The following MCTP2 variants were observed in gnomAD, a reference collection of about 807,000 sequenced individuals.
MCTP2 encodes the protein multiple C2 and transmembrane domain containing 2.
MCTP2 carries 132 observed loss-of-function variants against 111.6 expected under a neutral mutation model. The observed-to-expected ratio is 1.18, with a 90% CI of 1.03 to 1.37. The LOEUF is 1.37. Among genes scored for constraint, MCTP2 ranks in the 40% most tolerant of loss-of-function variants. The pLI, the probability that MCTP2 is intolerant of heterozygous loss-of-function variation, is 0.00. For missense variants in MCTP2, 1,183 were observed against 1,067.9 expected (o/e 1.11, Z -1.50); for synonymous variants, 395 against 387.7 (o/e 1.02, Z -0.22).
intron 20 of MCTP2, among the ~76,000 whole-genome samples, chr15:94,463,438 G>C (rs960482151): frequency 2.0e-5 from 3 of 151,936 alleles, no homozygotes; most frequent in African/African-American, 7.3e-5. Context: ...TAATTTTTCT[G>C]CTTTGATTTG....
chr15:94,443,046 T>A, intron 19 of MCTP2, 86 bp downstream of exon 19: 17 of 812,328 alleles, frequency 2.1e-5, no homozygotes, highest in Non-Finnish European at 2.6e-5. Flanking sequence ...CTCTCTCCTC[T>A]CTTTTTTTTT....
chr15:94,355,699 A>C (rs922229576), intron 8 of MCTP2, among the ~76,000 whole-genome samples: 53 of 152,370 alleles, frequency 3.5e-4, no homozygotes, highest in African/African-American at 1.3e-3. Context: ...AGACAGATTC[A>C]AATGTGAAGG....
intron 17 of MCTP2, 147 bp from the exon 18 acceptor site, chr15:94,440,029 T>TTGTG: frequency 1.2e-6 from 1 of 856,144 alleles, no homozygotes; most frequent in Non-Finnish European, 1.8e-6. Context: ...GAGTTGATCA[T>TTGTG]TGTGTGTGTG....
intron 1 of MCTP2, among the ~76,000 whole-genome samples, chr15:94,256,245 G>A (rs1324889930): frequency 6.6e-6 from 1 of 152,130 alleles, no homozygotes; most frequent in East Asian, 1.9e-4. Context: ...ATGTATATAA[G>A]GTGTGTATGA....
At chr15:94,452,085 G>A (rs2084497852) in intron 19 of MCTP2, among the ~76,000 whole-genome samples, 1 of 152,102 alleles carries the variant, frequency 6.6e-6, no homozygotes, top group African/African-American at 2.4e-5. Context: ...TAGATGTCAG[G>A]ACCAGAGTTG....
intron 2 of MCTP2, among the ~76,000 whole-genome samples, chr15:94,309,450 A>G (rs1395089705): frequency 2.6e-5 from 4 of 152,162 alleles, no homozygotes; most frequent in Non-Finnish European, 5.9e-5. Context: ...ATGTGGGTTT[A>G]TGTTTTCTTC....
intron 17 of MCTP2, chr15:94,402,726 T>C: frequency 1.4e-6 from 2 of 1,439,822 alleles, no homozygotes; most frequent in Non-Finnish European, 1.8e-6. Context: ...TTGATCAAAT[T>C]GGTAATGTCA....
chr15:94,438,935 C>A (rs1374131635), intron 17 of MCTP2, among the ~76,000 whole-genome samples: 2 of 151,756 alleles, frequency 1.3e-5, no homozygotes, highest in Non-Finnish European at 2.9e-5. Flanking sequence ...TGAAATCAAG[C>A]AGGAAAAAAA....
intron 1 of MCTP2, among the ~76,000 whole-genome samples, chr15:94,275,903 A>G (rs1404697713): frequency 2.0e-4 from 28 of 136,684 alleles, no homozygotes; most frequent in Non-Finnish European, 6.1e-5. Flanking sequence ...GCTGGAGTGT[A>G]GTGGCGCGGA....
intron 1 of MCTP2, among the ~76,000 whole-genome samples, chr15:94,240,125 G>A (rs998404633): frequency 6.6e-6 from 1 of 152,008 alleles, no homozygotes; most frequent in African/African-American, 2.4e-5. Context: ...TAGTTTACAG[G>A]ACACACAGAT....
chr15:94,276,242 A>C (rs1484819160), intron 1 of MCTP2, among the ~76,000 whole-genome samples: 1 of 152,164 alleles, frequency 6.6e-6, no homozygotes, highest in Non-Finnish European at 1.5e-5. Flanking sequence ...ATATTCATAA[A>C]CAGGACAGAG....
chr15:94,251,653 C>T (rs1380946483), intron 1 of MCTP2, among the ~76,000 whole-genome samples: 1 of 152,218 alleles, frequency 6.6e-6, no homozygotes, highest in Non-Finnish European at 1.5e-5. Context: ...GCCACCACAC[C>T]TGGCTGCAAT....
chr15:94,392,625 C>G (rs1328841629), intron 14 of MCTP2, among the ~76,000 whole-genome samples: 1 of 151,878 alleles, frequency 6.6e-6, no homozygotes, highest in African/African-American at 2.4e-5. Context: ...CCAGCCTGAC[C>G]AACATGGTGA....
At position 94,384,083 on chromosome 15, in the gene MCTP2, C is replaced by T; in HGVS notation, c.1644C>T (p.Val548=). The T allele has an allele frequency of 1.2e-6, 2 of 1,613,920 alleles. No individual in the cohort carries two copies. ...LGNDRLQTHT[V]YKNLNPEWNK... ...ATGACCGACTTCAGACGCATACCGT[C>T]TACAAAAACCTCAACCCTGAATGGA... is the stretch of plus-strand genomic sequence containing the variant. The change falls in exon 13 of 23, where the codon GTC becomes GTT. Residue 548 remains valine, a synonymous_variant. Coordinates refer to ENST00000357742, the MANE Select transcript of MCTP2 (RefSeq NM_001385001.1).
chr15:94,399,852 C>A, intron 15 of MCTP2, 69 bp from the exon 16 acceptor site: 1 of 1,381,532 alleles, frequency 7.2e-7, no homozygotes, highest in South Asian at 1.2e-5. Context: ...TTTTCCCAGT[C>A]ATTAAGAAAA....
intron 12 of MCTP2, among the ~76,000 whole-genome samples, chr15:94,377,456 C>T (rs555069165): frequency 6.6e-6 from 1 of 152,262 alleles, no homozygotes; most frequent in Admixed American, 6.5e-5. Context: ...GTAGCCATTG[C>T]AAAGTTTGGG....
chr15:94,438,429 C>A (rs2083596036), intron 17 of MCTP2, among the ~76,000 whole-genome samples: 1 of 152,036 alleles, frequency 6.6e-6, no homozygotes, highest in South Asian at 2.1e-4. Flanking sequence ...ACAAAAAGAA[C>A]ACGAGCGTCT....
chr15:94,444,391 A>C (rs367670973), intron 19 of MCTP2, among the ~76,000 whole-genome samples: 2 of 152,184 alleles, frequency 1.3e-5, no homozygotes, highest in African/African-American at 4.8e-5. Flanking sequence ...ATGTTTGGGC[A>C]TTGGTGTTTA....
intron 8 of MCTP2, among the ~76,000 whole-genome samples, chr15:94,349,690 T>TGG (rs2078194249): frequency 2.0e-5 from 3 of 151,626 alleles, no homozygotes; most frequent in Non-Finnish European, 4.4e-5. Context: ...CGTGGTGGCA[T>TGG]GCGCCTGTAG....
Sources: allele counts gnomAD v4.1 joint callset (sites outside exome capture counted in the v4.1 genomes callset), GRCh38; gene constraint gnomAD v4.1.1; transcripts MANE v1.5; gene names NCBI Gene and HGNC (gene_info 2026-07-23, HGNC 2026-07-21).